PCDHA9: variants seen among roughly 807,000 people sequenced by gnomAD.
PCDHA9 encodes protocadherin alpha 9.
A neutral mutation model predicts 62.0 loss-of-function variants in PCDHA9; 62 were observed. The observed-to-expected ratio is 1.00, with a 90% CI of 0.81 to 1.23. The LOEUF (loss-of-function observed/expected upper bound fraction) is 1.23, where lower values mean the gene tolerates loss of function less well. PCDHA9 is among the 50% of genes most tolerant of loss of function. The pLI is 0.00. For missense variants in PCDHA9, 1,205 were observed against 1,249.8 expected, an observed-to-expected ratio of 0.96 and a Z score of 0.54; for synonymous variants, 557 against 567.6, an observed-to-expected ratio of 0.98 and a Z score of 0.27.
intron 1 of PCDHA9, chr5:140,851,727 T>C (rs1216544821): frequency 1.0e-6 from 1 of 969,522 alleles, no homozygotes; most frequent in Non-Finnish European, 1.2e-6. Flanking sequence ...AACTTCGAGT[T>C]CTTTTGAAAT....
chr5:140,882,218 G>A, intron 1 of PCDHA9: 5 of 1,545,760 alleles, frequency 3.2e-6, no homozygotes, highest in Non-Finnish European at 4.4e-6. Flanking sequence ...GACAGTTTGA[G>A]GTAAGGCGTT....
At chr5:140,877,323 C>A in intron 1 of PCDHA9, 1 of 1,613,988 alleles carries the variant, frequency 6.2e-7, no homozygotes, top group Non-Finnish European at 8.5e-7. Context: ...CGGCGGTCGG[C>A]GCGCACATCC....
intron 1 of PCDHA9, chr5:140,930,208 A>C (rs939593947): frequency 6.6e-6 from 1 of 152,220 alleles, no homozygotes; most frequent in African/African-American, 2.4e-5. Flanking sequence ...AGAAATATTT[A>C]TGTGTTCAAA....
intron 1 of PCDHA9, among the ~76,000 whole-genome samples, chr5:140,960,822 T>C (rs1225829114): frequency 4.6e-5 from 7 of 152,080 alleles, no homozygotes; most frequent in African/African-American, 1.7e-4. Context: ...AAGTGATGAA[T>C]GGAAACTTGG....
chr5:140,875,918 A>T, intron 1 of PCDHA9: 1 of 1,613,782 alleles, frequency 6.2e-7, no homozygotes, highest in Non-Finnish European at 8.5e-7. Flanking sequence ...GCGCCTCTGG[A>T]CTCTCATTTT....
intron 1 of PCDHA9, chr5:140,856,310 C>T (rs782387382): frequency 5.0e-6 from 8 of 1,598,548 alleles, no homozygotes; most frequent in Non-Finnish European, 6.8e-6. Context: ...TGTGAATTCT[C>T]GGATTGACCG....
At chr5:140,856,352 A>G in intron 1 of PCDHA9, 1 of 1,598,598 alleles carries the variant, frequency 6.3e-7, no homozygotes, top group South Asian at 1.1e-5. Context: ...CGTGGAGTGC[A>G]GCATCCACCT....
chr5:140,886,189 G>A (rs2060889525), intron 1 of PCDHA9, among the ~76,000 whole-genome samples: 1 of 152,090 alleles, frequency 6.6e-6, no homozygotes. Context: ...ATGCTGGCAA[G>A]CAGTAATCTG....
chr5:140,976,413 C>T (rs560298731), intron 1 of PCDHA9, among the ~76,000 whole-genome samples: 2 of 151,978 alleles, frequency 1.3e-5, no homozygotes, highest in African/African-American at 4.8e-5. Flanking sequence ...TAGCCAGGTA[C>T]GGTGGCAGAT....
At chr5:140,900,674 T>C (rs782072148) in intron 1 of PCDHA9, among the ~76,000 whole-genome samples, 11 of 152,230 alleles carry the variant, frequency 7.2e-5, no homozygotes, top group African/African-American at 2.4e-4. Context: ...AGTGCAGTTA[T>C]CTCTTCAATA....
intron 1 of PCDHA9, chr5:140,876,905 C>T (rs782526620): frequency 2.5e-6 from 4 of 1,614,032 alleles, no homozygotes; most frequent in Non-Finnish European, 3.4e-6. Context: ...TTCACGGTGT[C>T]GGCATGGGAC....
chr5:140,956,243 C>T (rs2095270530), intron 1 of PCDHA9, among the ~76,000 whole-genome samples: 1 of 152,142 alleles, frequency 6.6e-6, no homozygotes, highest in African/African-American at 2.4e-5. Flanking sequence ...AAGGGGAATG[C>T]TTCCAGGTTT....
intron 3 of PCDHA9, among the ~76,000 whole-genome samples, chr5:141,004,011 CT>C (rs1220756747): frequency 2.6e-4 from 40 of 152,200 alleles, no homozygotes; most frequent in African/African-American, 9.4e-4. Context: ...GGAGGCAGCA[CT>C]GAAAGAAGAA....
chr5:140,886,637 C>A (rs1379156415), intron 1 of PCDHA9, among the ~76,000 whole-genome samples: 3 of 151,848 alleles, frequency 2.0e-5, no homozygotes, highest in Non-Finnish European at 4.4e-5. Context: ...ACCAGCCTGG[C>A]CAACATGGTG....
At chr5:140,889,632 C>T (rs265311) in intron 1 of PCDHA9, among the ~76,000 whole-genome samples, 138,318 of 152,176 alleles carry the variant, frequency 0.91, 63,092 homozygotes, top group East Asian at 1. Context: ...CTCTTCTTTT[C>T]ATTTGTGTTT....
chr5:140,898,392 T>G (rs1464159946), intron 1 of PCDHA9, among the ~76,000 whole-genome samples: 3 of 152,224 alleles, frequency 2.0e-5, no homozygotes, highest in African/African-American at 7.2e-5. Flanking sequence ...GGATCCAGTT[T>G]CAGCTTTCTA....
At chr5:140,893,229 G>A (rs922723551) in intron 1 of PCDHA9, among the ~76,000 whole-genome samples, 3 of 152,212 alleles carry the variant, frequency 2.0e-5, no homozygotes, top group Non-Finnish European at 4.4e-5. Context: ...GTATCACTTT[G>A]ACATACTGGT....
chr5:140,954,487 A>T (rs1585567544), intron 1 of PCDHA9, among the ~76,000 whole-genome samples: 1 of 152,120 alleles, frequency 6.6e-6, no homozygotes, highest in African/African-American at 2.4e-5. Flanking sequence ...AAGATATTTC[A>T]TTGTGGTTTT....
intron 1 of PCDHA9, among the ~76,000 whole-genome samples, chr5:140,975,784 A>T (rs1216156931): frequency 1.3e-5 from 2 of 151,914 alleles, no homozygotes; most frequent in African/African-American, 4.8e-5. Flanking sequence ...CCATTACAAG[A>T]TAAATTAAAT....
Sources: gnomAD v4.1 joint callset for allele counts (sites outside exome capture counted in the v4.1 genomes callset) on GRCh38, gnomAD v4.1.1 for gene constraint, MANE v1.5 for transcripts, NCBI Gene and HGNC (gene_info 2026-07-23, HGNC 2026-07-21) for gene names.